The following RBFOX2 variants were observed in gnomAD, a reference collection of about 807,000 sequenced individuals.
RBFOX2 encodes the protein RNA binding fox-1 homolog 2, also known as RNA binding protein fox-1 homolog 2.
A neutral mutation model predicts 49.1 loss-of-function variants in RBFOX2; 10 were observed. The ratio of observed to expected loss-of-function variants is 0.20; its 90% CI spans 0.13 to 0.35. The LOEUF is 0.35. RBFOX2 is among the 10% of genes least tolerant of loss of function. The probability of loss-of-function intolerance (pLI) is 1.00; values close to 1 mark genes in which losing one functional copy is unlikely to be tolerated. For missense variants in RBFOX2, 323 were observed against 486.9 expected (o/e 0.66, Z 3.17); for synonymous variants, 183 against 187.4 (o/e 0.98, Z 0.19).
chr22:35,770,365 G>C (rs535887074), intron 4 of RBFOX2, among the ~76,000 whole-genome samples: 1 of 152,234 alleles, frequency 6.6e-6, no homozygotes, highest in Admixed American at 6.5e-5. Context: ...TTACTATTAA[G>C]TTATATGAAA....
intron 1 of RBFOX2, among the ~76,000 whole-genome samples, chr22:35,922,142 A>C (rs1189054891): frequency 6.6e-6 from 1 of 152,262 alleles, no homozygotes; most frequent in African/African-American, 2.4e-5. Context: ...CCATGGAACA[A>C]AAAGTGAACA....
chr22:35,807,313 A>T lies in RBFOX2; in HGVS notation c.252+2467T>A, dbSNP rs1358339134. ...GAGGGACATTTCATATTGATGAAAA[A>T]ACCAATTGGTTAAGAATATTTTGTT... On this transcript the variant is annotated intron_variant, in intron 2 of 11. Coordinates refer to ENST00000405409, the Ensembl canonical transcript of RBFOX2. 2.0e-5 allele frequency among the ~76,000 whole-genome samples: 3 copies of T among 152,174 alleles called. No homozygotes were observed. The East Asian group carries it at 5.8e-4, about 29-fold the overall frequency.
At chr22:35,796,901 G>A (rs545767121) in intron 2 of RBFOX2, among the ~76,000 whole-genome samples, 1 of 152,116 alleles carries the variant, frequency 6.6e-6, no homozygotes, top group Non-Finnish European at 1.5e-5. Flanking sequence ...TTTCTACCAG[G>A]AGAGCTTACA....
chr22:35,829,595 A>G (rs1956415021), intron 1 of RBFOX2, among the ~76,000 whole-genome samples: 1 of 152,130 alleles, frequency 6.6e-6, no homozygotes, highest in Non-Finnish European at 1.5e-5. Context: ...AAAAGACCTA[A>G]AAGAATAGTG....
chr22:35,878,017 T>C (rs1302928995), intron 1 of RBFOX2, among the ~76,000 whole-genome samples: 3 of 146,480 alleles, frequency 2.0e-5, no homozygotes, highest in Non-Finnish European at 3.0e-5. Flanking sequence ...TACATACATA[T>C]ACATACTACT....
intron 2 of RBFOX2, among the ~76,000 whole-genome samples, chr22:35,804,679 T>G (rs1329758211): frequency 6.6e-6 from 1 of 151,968 alleles, no homozygotes; most frequent in Admixed American, 6.6e-5. Flanking sequence ...CATTCAAAAC[T>G]GAACACATAA....
chr22:35,976,320 G>GACCACCACC (rs1258533256), intron 1 of RBFOX2, among the ~76,000 whole-genome samples: 1 of 150,502 alleles, frequency 6.6e-6, no homozygotes, highest in Non-Finnish European at 1.5e-5. Context: ...CAAAAACTCT[G>GACCACCACC]ACCACCACCA....
At chr22:35,742,870 A>AT (rs1930644920) in exon 12 of RBFOX2, 1 of 152,704 alleles carries the variant, frequency 6.5e-6, no homozygotes, top group African/African-American at 2.4e-5. Flanking sequence ...TGTAGTGTTA[A>AT]TGTGTACAAA....
chr22:35,862,949 A>G (rs1472066827), intron 1 of RBFOX2, among the ~76,000 whole-genome samples: 43 of 152,182 alleles, frequency 2.8e-4, no homozygotes, highest in Non-Finnish European at 5.9e-5. Flanking sequence ...ATTATCTCTG[A>G]TAATTGAAGG....
At chr22:35,915,155 C>A (rs1370244437) in intron 1 of RBFOX2, among the ~76,000 whole-genome samples, 1 of 152,182 alleles carries the variant, frequency 6.6e-6, no homozygotes, top group Non-Finnish European at 1.5e-5. Flanking sequence ...CTCTGAGCCA[C>A]CTCCTTTAAG....
chr22:35,774,284 ATTAT>A (rs1943374607), intron 4 of RBFOX2, among the ~76,000 whole-genome samples: 1 of 152,092 alleles, frequency 6.6e-6, no homozygotes. Flanking sequence ...GCATTATCTT[ATTAT>A]TTGTGTTAAT....
chr22:35,960,947 CTGTTA>C (rs921375242), intron 1 of RBFOX2, among the ~76,000 whole-genome samples: 4 of 151,718 alleles, frequency 2.6e-5, no homozygotes, highest in Non-Finnish European at 5.9e-5. Context: ...TGCACAGGTT[CTGTTA>C]TATTTGTTTA....
At chr22:35,898,990 T>C (rs1015233060) in intron 1 of RBFOX2, among the ~76,000 whole-genome samples, 4 of 151,890 alleles carry the variant, frequency 2.6e-5, no homozygotes, top group Non-Finnish European at 5.9e-5. Flanking sequence ...TGGTGGCGCA[T>C]GCCTGTAATC....
intron 1 of RBFOX2, among the ~76,000 whole-genome samples, chr22:35,933,953 T>TATATATACAC (rs1009021083): frequency 7.1e-5 from 10 of 141,078 alleles, no homozygotes; most frequent in African/African-American, 2.2e-4. Context: ...TATATATATA[T>TATATATACAC]ACACACATCA....
chr22:35,944,024 T>C (rs556967921), intron 1 of RBFOX2, among the ~76,000 whole-genome samples: 2 of 152,378 alleles, frequency 1.3e-5, no homozygotes, highest in South Asian at 4.1e-4. Context: ...GATGCTCCTA[T>C]ATGTACCTAC....
intron 1 of RBFOX2, among the ~76,000 whole-genome samples, chr22:35,877,054 A>G (rs1175422616): frequency 6.6e-6 from 1 of 152,230 alleles, no homozygotes; most frequent in African/African-American, 2.4e-5. Context: ...GGTTTTAGTC[A>G]CTGGTGCAAC....
chr22:35,858,367 T>A (rs1029929974), intron 1 of RBFOX2, among the ~76,000 whole-genome samples: 5 of 152,240 alleles, frequency 3.3e-5, no homozygotes, highest in African/African-American at 1.2e-4. Flanking sequence ...TTAAATGCCA[T>A]CTGCTCCACA....
At chr22:35,747,018 A>C (rs1231600910) in intron 9 of RBFOX2, 1 of 152,566 alleles carries the variant, frequency 6.6e-6, no homozygotes, top group Non-Finnish European at 1.5e-5. Flanking sequence ...ATTCATTAAT[A>C]AGAGACTACA....
intron 1 of RBFOX2, among the ~76,000 whole-genome samples, chr22:35,876,994 A>G (rs1467040501): frequency 6.6e-6 from 1 of 152,238 alleles, no homozygotes; most frequent in African/African-American, 2.4e-5. Context: ...ACTGACTAAG[A>G]AAGTAGAGAC....
Sources: allele counts gnomAD v4.1 joint callset (sites outside exome capture counted in the v4.1 genomes callset), GRCh38; gene constraint gnomAD v4.1.1; transcripts MANE v1.5; gene names NCBI Gene and HGNC (gene_info 2026-07-23, HGNC 2026-07-21).